The following FBXL7 variants were observed in gnomAD, a reference collection of about 807,000 sequenced individuals.
FBXL7 encodes F-box/LRR-repeat protein 7.
FBXL7 carries 12 observed loss-of-function variants against 38.3 expected under a neutral mutation model. The ratio of observed to expected loss-of-function variants is 0.31; its 90% CI spans 0.20 to 0.51. FBXL7 has a LOEUF of 0.51. FBXL7 is among the 20% of genes least tolerant of loss of function. The pLI is 0.98. For synonymous variants in FBXL7, 297 were observed against 300.9 expected (o/e 0.99, Z 0.13); for missense variants, 567 against 676.4 (o/e 0.84, Z 1.79).
At chr5:15,584,566 T>C (rs1739248521) in intron 1 of FBXL7, among the ~76,000 whole-genome samples, 1 of 152,176 alleles carries the variant, frequency 6.6e-6, no homozygotes. Context: ...TCTACATCAC[T>C]ATCAGCATTT....
At chr5:15,674,010 C>T (rs1742572073) in intron 2 of FBXL7, among the ~76,000 whole-genome samples, 1 of 152,158 alleles carries the variant, frequency 6.6e-6, no homozygotes, top group Non-Finnish European at 1.5e-5. Context: ...TTGTGTTCTA[C>T]CGTTATAGAG....
At chr5:15,917,388 A>T (rs933245687) in intron 2 of FBXL7, among the ~76,000 whole-genome samples, 14 of 152,170 alleles carry the variant, frequency 9.2e-5, no homozygotes, top group Non-Finnish European at 1.5e-4. Flanking sequence ...AGGTGGCAAG[A>T]TCACTTGAGC....
At chr5:15,676,226 C>T (rs1002029357) in intron 2 of FBXL7, among the ~76,000 whole-genome samples, 2 of 152,136 alleles carry the variant, frequency 1.3e-5, no homozygotes, top group South Asian at 2.1e-4. Context: ...CTTTTCAGCT[C>T]TAAAATTCTA....
rs1406199462 is a variant in FBXL7 at position 15,500,558 on chromosome 5, G to T, written c.-119G>T. On this transcript the variant is annotated 5_prime_UTR_variant, in exon 1 of 4. Transcript: ENST00000504595. ...CTCCAGGCCGGAGGTCGGCCCCGGA[G>T]CTTGGGGGGGATGTGCAGCTAACGG... 11 of 1,430,768 alleles carry T rather than the reference G, an allele frequency of 7.7e-6. No individual in the cohort carries two copies. In the East Asian group the frequency reaches 2.5e-4, roughly 33 times the overall value. 88.6% of individuals were successfully genotyped at this position (1,430,768 alleles called of 1,614,324 possible).
intron 1 of FBXL7, among the ~76,000 whole-genome samples, chr5:15,542,138 A>G (rs1158280192): frequency 6.6e-6 from 1 of 152,170 alleles, no homozygotes; most frequent in Non-Finnish European, 1.5e-5. Flanking sequence ...TGAGTCAGAA[A>G]CCAGAATCGA....
chr5:15,739,608 C>T (rs1735843543), intron 2 of FBXL7, among the ~76,000 whole-genome samples: 1 of 152,060 alleles, frequency 6.6e-6, no homozygotes, highest in African/African-American at 2.4e-5. Context: ...TGTAGATTTG[C>T]CTATTCTGGA....
chr5:15,732,495 A>T (rs4273604), intron 2 of FBXL7, among the ~76,000 whole-genome samples: 2 of 151,826 alleles, frequency 1.3e-5, no homozygotes, highest in Non-Finnish European at 2.9e-5. Context: ...TGCTGCATGG[A>T]GTTTTATATT....
At chr5:15,635,825 G>C (rs1245165614) in intron 2 of FBXL7, among the ~76,000 whole-genome samples, 2 of 152,152 alleles carry the variant, frequency 1.3e-5, no homozygotes, top group Admixed American at 6.5e-5. Context: ...TGGGCAGTGA[G>C]GGCACCTGCC....
chr5:15,598,079 G>T (rs927920786), intron 1 of FBXL7, among the ~76,000 whole-genome samples: 1 of 144,986 alleles, frequency 6.9e-6, no homozygotes, highest in Non-Finnish European at 1.6e-5. Context: ...CAAAATTTAG[G>T]GGGAGTGATT....
At chr5:15,566,369 C>T (rs932072682) in intron 1 of FBXL7, among the ~76,000 whole-genome samples, 13 of 152,126 alleles carry the variant, frequency 8.5e-5, no homozygotes, top group Non-Finnish European at 1.5e-4. Context: ...GGCAGAGAAG[C>T]GCTGTCTTCT....
chr5:15,760,149 A>C (rs1736399803), intron 2 of FBXL7, among the ~76,000 whole-genome samples: 2 of 152,108 alleles, frequency 1.3e-5, no homozygotes, highest in Admixed American at 1.3e-4. Flanking sequence ...TGCTGGGAGA[A>C]GCCTCCAGCC....
At chr5:15,520,192 T>C (rs1208806268) in intron 1 of FBXL7, among the ~76,000 whole-genome samples, 1 of 152,200 alleles carries the variant, frequency 6.6e-6, no homozygotes, top group African/African-American at 2.4e-5. Context: ...GCTTCTTTAC[T>C]GCAACCTATT....
chr5:15,881,819 T>C (rs1183739349), intron 2 of FBXL7, among the ~76,000 whole-genome samples: 1 of 152,218 alleles, frequency 6.6e-6, no homozygotes, highest in East Asian at 1.9e-4. Flanking sequence ...CTTGCTGTAC[T>C]AGTCTCTTCT....
intron 1 of FBXL7, among the ~76,000 whole-genome samples, chr5:15,608,950 C>T (rs968506948): frequency 1.3e-5 from 2 of 152,144 alleles, no homozygotes; most frequent in South Asian, 2.1e-4. Context: ...TTTTTATCCC[C>T]GTGTTACTGG....
At chr5:15,890,990 CAG>C (rs1740881273) in intron 2 of FBXL7, among the ~76,000 whole-genome samples, 1 of 152,054 alleles carries the variant, frequency 6.6e-6, no homozygotes, top group Non-Finnish European at 1.5e-5. Context: ...ATTATCTGTT[CAG>C]AGAGAGTCTA....
At chr5:15,913,888 A>G (rs1420915488) in intron 2 of FBXL7, among the ~76,000 whole-genome samples, 1 of 152,132 alleles carries the variant, frequency 6.6e-6, no homozygotes. Context: ...ACTGTCAAAG[A>G]GAAGCCAGTT....
At chr5:15,671,214 C>CT (rs561113579) in intron 2 of FBXL7, among the ~76,000 whole-genome samples, 95 of 152,252 alleles carry the variant, frequency 6.2e-4, no homozygotes, top group African/African-American at 2.1e-3. Context: ...ATTTTGTCTG[C>CT]TTTTTTTACA....
intron 2 of FBXL7, among the ~76,000 whole-genome samples, chr5:15,775,382 T>TAC (rs1318380939): frequency 2.7e-5 from 4 of 146,012 alleles, no homozygotes; most frequent in Admixed American, 6.9e-5. Flanking sequence ...TACCCCACCA[T>TAC]ATACACACAC....
chr5:15,827,201 A>G (rs2126769969), intron 2 of FBXL7, among the ~76,000 whole-genome samples: 1 of 151,762 alleles, frequency 6.6e-6, no homozygotes, highest in Middle Eastern at 3.4e-3. Context: ...CATTCAATAT[A>G]TTACATTTAA....
Sources: allele counts gnomAD v4.1 joint callset (sites outside exome capture counted in the v4.1 genomes callset), GRCh38; gene constraint gnomAD v4.1.1; transcripts MANE v1.5; gene names NCBI Gene and HGNC (gene_info 2026-07-23, HGNC 2026-07-21).